The following ZFAT variants were observed in gnomAD, a reference collection of about 807,000 sequenced individuals.
The protein encoded by ZFAT is zinc finger protein ZFAT.
ZFAT carries 64 observed loss-of-function variants against 117.7 expected under a neutral mutation model. That is an observed-to-expected ratio of 0.54 (90% CI 0.44 to 0.67). ZFAT has a LOEUF of 0.67. ZFAT is among the 30% of genes least tolerant of loss of function. The probability of loss-of-function intolerance (pLI) is 0.00; values close to 1 mark genes in which losing one functional copy is unlikely to be tolerated. For synonymous variants in ZFAT, 679 were observed against 615.0 expected (o/e 1.10, Z -1.54); for missense variants, 1,433 against 1,584.5 (o/e 0.90, Z 1.62).
At chr8:134,640,391 T>C (rs1341290751) in intron 2 of ZFAT, among the ~76,000 whole-genome samples, 1 of 152,108 alleles carries the variant, frequency 6.6e-6, no homozygotes, top group Non-Finnish European at 1.5e-5. Context: ...AACTTACTAT[T>C]GCGGGGTAGC....
At chr8:134,787,851 C>T in the ZFAT span, among the ~76,000 whole-genome samples, 5 of 151,668 alleles carry the variant, frequency 3.3e-5, no homozygotes, top group African/African-American at 4.8e-5. Context: ...ATTTATTTTA[C>T]ACTAGTGTAA....
At chr8:134,659,771 G>A (rs1359674915) in intron 1 of ZFAT, among the ~76,000 whole-genome samples, 3 of 152,198 alleles carry the variant, frequency 2.0e-5, no homozygotes, top group Admixed American at 6.5e-5. Flanking sequence ...AAGAGGAAAT[G>A]AGGAAAGGCA....
chr8:134,692,515 G>A (rs1459235292), intron 1 of ZFAT, among the ~76,000 whole-genome samples: 1 of 152,152 alleles, frequency 6.6e-6, no homozygotes, highest in Non-Finnish European at 1.5e-5. Flanking sequence ...CTCTGTTCAT[G>A]CCCCACAAAC....
intron 10 of ZFAT, among the ~76,000 whole-genome samples, chr8:134,579,451 A>C (rs758048520): frequency 6.6e-6 from 1 of 152,160 alleles, no homozygotes; most frequent in Non-Finnish European, 1.5e-5. Context: ...AAACCATCAG[A>C]TCTCGTGAGA....
chr8:134,593,337 G>A (rs1169935743), intron 7 of ZFAT, among the ~76,000 whole-genome samples: 1 of 151,592 alleles, frequency 6.6e-6, no homozygotes, highest in East Asian at 1.9e-4. Context: ...CACAGATGGT[G>A]GTAAAGGGTA....
intron 7 of ZFAT, among the ~76,000 whole-genome samples, chr8:134,594,318 C>A (rs1826752645): frequency 6.6e-6 from 1 of 152,146 alleles, no homozygotes; most frequent in South Asian, 2.1e-4. Context: ...ATAACATTTC[C>A]TCTACTTTAA....
the ZFAT span, among the ~76,000 whole-genome samples, chr8:134,769,324 C>T: frequency 2.0e-5 from 3 of 152,284 alleles, no homozygotes; most frequent in Admixed American, 6.5e-5. Context: ...ATACCCATTC[C>T]AAGTGGGGGA....
chr8:134,497,345 G>A (rs1668680579), intron 15 of ZFAT, among the ~76,000 whole-genome samples: 1 of 152,166 alleles, frequency 6.6e-6, no homozygotes, highest in African/African-American at 2.4e-5. Context: ...AGCCAGAGGA[G>A]GGGGACTGAC....
intron 3 of ZFAT, among the ~76,000 whole-genome samples, chr8:134,620,159 T>C (rs528684054): frequency 6.6e-6 from 1 of 152,330 alleles, no homozygotes; most frequent in Admixed American, 6.5e-5. Flanking sequence ...TGTGAAAGGC[T>C]TACAGGAAGC....
Position 134,537,147 on chromosome 8 carries a change from T to A in ZFAT, c.2977-4175A>T, listed in dbSNP as rs115631856. On this transcript the variant is annotated intron_variant, in intron 11 of 15. Transcript: ENST00000377838. ...AATGTTTTGCATGGATTAATTCCTATAAGTCTCACATCAAGCTCATATGGT... is the reference window on the plus strand; with the variant it reads ...AATGTTTTGCATGGATTAATTCCTAAAAGTCTCACATCAAGCTCATATGGT... Among the ~76,000 whole-genome samples, 1,284 of 152,382 alleles carry A rather than the reference T, an allele frequency of 8.4e-3. 12 individuals carry two copies. The highest frequency in any genetic ancestry group is 0.017 in the Middle Eastern group (5 of 294).
intron 1 of ZFAT, among the ~76,000 whole-genome samples, chr8:134,664,692 G>A (rs759232820): frequency 1.4e-4 from 21 of 152,188 alleles, no homozygotes; most frequent in African/African-American, 3.9e-4. Context: ...TTGTTAATCC[G>A]CCAAAATAAC....
chr8:134,506,536 T>C (rs1225961503), intron 15 of ZFAT, among the ~76,000 whole-genome samples: 1 of 152,218 alleles, frequency 6.6e-6, no homozygotes, highest in Non-Finnish European at 1.5e-5. Flanking sequence ...AACAGTTTTT[T>C]CCCAGCTCTC....
chr8:134,613,369 G>C (rs1376972057), intron 3 of ZFAT, among the ~76,000 whole-genome samples: 1 of 152,222 alleles, frequency 6.6e-6, no homozygotes, highest in Non-Finnish European at 1.5e-5. Context: ...ACCGCGTCCG[G>C]ACTCTGCTTT....
At chr8:134,481,020 G>A (rs1035500092) in intron 15 of ZFAT, among the ~76,000 whole-genome samples, 3 of 152,156 alleles carry the variant, frequency 2.0e-5, no homozygotes, top group African/African-American at 7.2e-5. Context: ...GAATTCACCC[G>A]GAGCTGGAGA....
At chr8:134,789,066 T>G in the ZFAT span, among the ~76,000 whole-genome samples, 4 of 152,220 alleles carry the variant, frequency 2.6e-5, no homozygotes, top group African/African-American at 7.2e-5. Flanking sequence ...GTTTCTATTT[T>G]GCAACTTTAA....
chr8:134,825,116 TC>T, the ZFAT span, among the ~76,000 whole-genome samples: 1 of 152,184 alleles, frequency 6.6e-6, no homozygotes, highest in East Asian at 1.9e-4. Context: ...CTGTTTGTCT[TC>T]CTTATTGCCA....
At chr8:134,533,446 G>A (rs1185225341) in intron 11 of ZFAT, among the ~76,000 whole-genome samples, 1 of 152,196 alleles carries the variant, frequency 6.6e-6, no homozygotes, top group Non-Finnish European at 1.5e-5. Context: ...CACACAGCCT[G>A]CAAGTGCAAG....
chr8:134,588,235 T>C lies in ZFAT; in HGVS notation c.2713+11A>G, dbSNP rs757727557. 1.2e-5 allele frequency: 19 copies of C among 1,550,428 alleles called. No homozygotes were observed. The highest frequency in any genetic ancestry group is 3.4e-4 in the Middle Eastern group (2 of 5,950). On this transcript the variant is annotated intron_variant, in intron 9 of 15. Transcript: ENST00000377838. ...TAGAAAGGTGCCCAATTTGGAAAGA[T>C]GAATACTCACCTTCATGAGCCCAAA...
At chr8:134,632,678 G>A (rs1829966189) in intron 3 of ZFAT, among the ~76,000 whole-genome samples, 1 of 152,116 alleles carries the variant, frequency 6.6e-6, no homozygotes, top group Admixed American at 6.5e-5. Context: ...GATACAAACA[G>A]TGGTGACAAT....
Sources: gnomAD v4.1 joint callset for allele counts (sites outside exome capture counted in the v4.1 genomes callset) on GRCh38, gnomAD v4.1.1 for gene constraint, MANE v1.5 for transcripts, NCBI Gene and HGNC (gene_info 2026-07-23, HGNC 2026-07-21) for gene names.